Variants in CTTN observed in about 807,000 individuals in gnomAD.
The protein encoded by CTTN is cortactin.
Under a neutral mutation model 84.0 loss-of-function variants are expected in CTTN, and 28 were observed. The ratio of observed to expected loss-of-function variants is 0.33; its 90% CI spans 0.25 to 0.46. CTTN has a LOEUF of 0.46. Ranked by LOEUF, CTTN falls within the 20% of genes least tolerant of loss-of-function variation. The pLI, the probability that CTTN is intolerant of heterozygous loss-of-function variation, is 1.00. For missense variants in CTTN, 641 were observed against 723.8 expected (o/e 0.89, Z 1.31); for synonymous variants, 301 against 288.8 (o/e 1.04, Z -0.43).
rs766771519 is a variant in CTTN at position 70,414,524 on chromosome 11, GT to G, written c.292-15del. ...GTGTTGTTGGTGTCTAATGCTTTGT[GT>G]TTGAACCCTGTTCCAGTCAGCTGTC... On this transcript the variant is annotated splice_polypyrimidine_tract_variant and intron_variant, in intron 5 of 17. Coordinates refer to ENST00000301843, the MANE Select transcript of CTTN (RefSeq NM_005231.4). 4 of 1,598,056 alleles carry G rather than the reference GT, an allele frequency of 2.5e-6. No homozygotes were observed. Among genetic ancestry groups the G allele is most frequent in the Non-Finnish European group, 3.4e-6 (4 of 1,165,950 alleles).
rs1014521501 is a variant in CTTN, at chr11:70,424,655, C to T, written c.958-677C>T. ...AGCAGCTCAAGGGACATGGAGTAGA[C>T]GCTGGAGCTGACTGATGGGAGGAGG... On this transcript the variant is annotated intron_variant, in intron 12 of 17. Transcript: ENST00000301843. Among the ~76,000 whole-genome samples, 40 of 151,816 alleles carry T rather than the reference C, an allele frequency of 2.6e-4. 2 individuals are homozygous for T. The highest frequency in any genetic ancestry group is 2.2e-3 in the Admixed American group (34 of 15,248).
intron 7 of CTTN, chr11:70,416,318 A>G (rs1347807321): frequency 6.5e-6 from 1 of 153,152 alleles, no homozygotes; most frequent in East Asian, 1.9e-4. Flanking sequence ...GGTGCAGTCT[A>G]GGTGGAGGTA....
chr11:70,433,740 T>C (rs754671170), intron 17 of CTTN, 22 bp downstream of exon 17: 3 of 1,572,406 alleles, frequency 1.9e-6, no homozygotes, highest in African/African-American at 2.7e-5. Context: ...GCAAAAGCAC[T>C]TGGAGGGGAG....
At chr11:70,420,614 G>T (rs1387406532) in intron 10 of CTTN, 104 bp downstream of exon 10, 4 of 823,154 alleles carry the variant, frequency 4.9e-6, no homozygotes, top group South Asian at 1.5e-5. Context: ...GCTGCACATT[G>T]TTTTGTCTTC....
intron 10 of CTTN, 23 bp from the exon 11 acceptor site, chr11:70,421,447 C>G (rs1287756160): frequency 8.5e-6 from 13 of 1,536,112 alleles, no homozygotes; most frequent in African/African-American, 1.4e-5. Context: ...TTGTTTTCCC[C>G]ACCGTTGCTT....
intron 1 of CTTN, among the ~76,000 whole-genome samples, chr11:70,401,101 A>G (rs2057973690): frequency 6.6e-6 from 1 of 152,140 alleles, no homozygotes; most frequent in Admixed American, 6.5e-5. Context: ...TGGGAGGCTA[A>G]GGGCAGGTGG....
intron 1 of CTTN, among the ~76,000 whole-genome samples, chr11:70,402,260 G>A (rs1394188782): frequency 6.6e-6 from 1 of 152,222 alleles, no homozygotes; most frequent in Admixed American, 6.5e-5. Flanking sequence ...TGCAAGGAAG[G>A]TTTAATGTTG....
rs546377083 is a variant in CTTN at position 70,435,995 on chromosome 11, T to C, written c.*833T>C. 8.5e-5 allele frequency: 122 copies of C among 1,428,860 alleles called. No homozygotes were observed. The African/African-American group carries it at 1.7e-3, about 19-fold the overall frequency. The allele number at this position is 1,428,860 out of a possible 1,614,324, so 88.5% of individuals were successfully genotyped here. On this transcript the variant is annotated 3_prime_UTR_variant, in exon 18 of 18. Coordinates refer to ENST00000301843, the MANE Select transcript of CTTN (RefSeq NM_005231.4). ...GCTGATGTCTTAACTGTCACCCATA[T>C]GGTCCCTGGGCCACCGGGCAGCCTG...
At chr11:70,417,189 C>T in intron 8 of CTTN, 66 bp downstream of exon 8, 1 of 1,161,514 alleles carries the variant, frequency 8.6e-7, no homozygotes, top group Non-Finnish European at 1.3e-6. Context: ...GGCATTTTCT[C>T]TCTGCACACG....
chr11:70,425,794 C>T (rs923806863), intron 13 of CTTN, among the ~76,000 whole-genome samples: 1 of 152,172 alleles, frequency 6.6e-6, no homozygotes, highest in Non-Finnish European at 1.5e-5. Flanking sequence ...GATGTGCAGG[C>T]GACAGCAGAC....
chr11:70,419,706 G>T (rs141806728), intron 8 of CTTN, 40 bp from the exon 9 acceptor site: 4 of 1,529,208 alleles, frequency 2.6e-6, no homozygotes, highest in Admixed American at 2.0e-5. Context: ...CACTGATTTC[G>T]TTGCTCCTTT....
intron 7 of CTTN, 136 bp downstream of exon 7, chr11:70,415,853 C>T (rs1308721698): frequency 1.8e-5 from 14 of 799,056 alleles, no homozygotes; most frequent in Middle Eastern, 3.7e-4. Flanking sequence ...GTTTCCTGAG[C>T]GGTGGCTGTT....
chr11:70,421,752 T>G (rs2058239036), intron 11 of CTTN, 172 bp downstream of exon 11: 1 of 603,116 alleles, frequency 1.7e-6, no homozygotes, highest in East Asian at 2.8e-5. Flanking sequence ...GCGACACTGA[T>G]TTTGAGTGGT....
At chr11:70,399,214 GGGA>G (rs1486800860) in intron 1 of CTTN, among the ~76,000 whole-genome samples, 1 of 151,560 alleles carries the variant, frequency 6.6e-6, no homozygotes, top group Non-Finnish European at 1.5e-5. Flanking sequence ...GAGGTCCGAG[GGGA>G]GGAGATTGGG....
At chr11:70,423,077 C>A (rs2058259105) in intron 12 of CTTN, 82 bp downstream of exon 12, 1 of 1,524,740 alleles carries the variant, frequency 6.6e-7, no homozygotes, top group Non-Finnish European at 9.1e-7. Context: ...TGGCCAACAT[C>A]CACGCGCTGG....
At chr11:70,407,620 G>A in intron 4 of CTTN, 29 bp downstream of exon 4, 1 of 1,608,644 alleles carries the variant, frequency 6.2e-7, no homozygotes, top group Non-Finnish European at 8.5e-7. Flanking sequence ...ACCCTCCCGA[G>A]GGCCCCTCTG....
At chr11:70,417,384 A>G (rs1591440163) in intron 8 of CTTN, among the ~76,000 whole-genome samples, 1 of 152,028 alleles carries the variant, frequency 6.6e-6, no homozygotes, top group East Asian at 1.9e-4. Flanking sequence ...TATTTTTGGT[A>G]GAGATGAGGT....
In CTTN at chr11:70,413,772, C is replaced by CTT. The variant is rs553967266; in HGVS notation, c.292-769_292-768dup. Among the ~76,000 whole-genome samples the CTT allele has an allele frequency of 7.9e-5, 12 of 152,340 alleles. 1 individual carries two copies. In the East Asian group the frequency reaches 2.3e-3, roughly 29 times the overall value. On this transcript the variant is annotated intron_variant, in intron 5 of 17. Transcript: ENST00000301843. ...GCGGAAATCCAGTGTGAGCCTGTGT[C>CTT]TTGCAGACTATTTTTGTTTATAGTC...
At chr11:70,401,862 G>A (rs1179930014) in intron 1 of CTTN, among the ~76,000 whole-genome samples, 1 of 151,702 alleles carries the variant, frequency 6.6e-6, no homozygotes, top group Non-Finnish European at 1.5e-5. Flanking sequence ...AAAGGCTGGT[G>A]GGGGGCTTTT....
Sources: gnomAD v4.1 joint callset for allele counts (sites outside exome capture counted in the v4.1 genomes callset) on GRCh38, gnomAD v4.1.1 for gene constraint, MANE v1.5 for transcripts, NCBI Gene and HGNC (gene_info 2026-07-23, HGNC 2026-07-21) for gene names.